The following UBE3D variants were observed in gnomAD, a reference collection of about 807,000 sequenced individuals.
The protein encoded by UBE3D is E3 ubiquitin-protein ligase E3D.
Under a neutral mutation model 49.6 loss-of-function variants are expected in UBE3D, and 48 were observed. The ratio of observed to expected loss-of-function variants is 0.97; its 90% CI spans 0.77 to 1.23. The LOEUF (loss-of-function observed/expected upper bound fraction) is 1.23. UBE3D is among the 50% of genes most tolerant of loss of function. The probability of loss-of-function intolerance (pLI) is 0.00; values close to 1 mark genes in which losing one functional copy is unlikely to be tolerated. For synonymous variants in UBE3D, 189 were observed against 174.2 expected (o/e 1.08, Z -0.67); for missense variants, 452 against 468.4 (o/e 0.96, Z 0.32).
the UBE3D span, among the ~76,000 whole-genome samples, chr6:82,882,151 T>A: frequency 6.6e-6 from 1 of 152,148 alleles, no homozygotes; most frequent in African/African-American, 2.4e-5. Context: ...GAATTATCCA[T>A]GAGATTGGAA....
intron 5 of UBE3D, among the ~76,000 whole-genome samples, chr6:83,031,452 C>T (rs866442739): frequency 5.5e-4 from 83 of 152,270 alleles, no homozygotes; most frequent in African/African-American, 1.9e-3. Context: ...CTTGCATCAG[C>T]GTGACCTGGA....
chr6:82,927,468 T>G (rs1773841170), intron 9 of UBE3D, among the ~76,000 whole-genome samples: 1 of 152,064 alleles, frequency 6.6e-6, no homozygotes, highest in Non-Finnish European at 1.5e-5. Context: ...AGAAGTGACA[T>G]CCTGACCACA....
At chr6:82,887,087 T>TGAGGCCAGAAGTTC in the UBE3D span, among the ~76,000 whole-genome samples, 1 of 151,924 alleles carries the variant, frequency 6.6e-6, no homozygotes, top group Non-Finnish European at 1.5e-5. Context: ...GTGGACCACT[T>TGAGGCCAGAAGTTC]GAGGCCAGAA....
intron 9 of UBE3D, among the ~76,000 whole-genome samples, chr6:82,950,071 G>T (rs1483798020): frequency 2.0e-5 from 3 of 152,086 alleles, no homozygotes; most frequent in Non-Finnish European, 2.9e-5. Flanking sequence ...ACAAAGTGAA[G>T]AGACAACTCA....
intron 9 of UBE3D, among the ~76,000 whole-genome samples, chr6:82,940,164 C>T (rs1184792003): frequency 1.3e-5 from 2 of 152,188 alleles, no homozygotes; most frequent in African/African-American, 4.8e-5. Flanking sequence ...TCCACATTCT[C>T]TCTAGAGTAT....
chr6:82,961,153 A>G (rs568046543), intron 8 of UBE3D, among the ~76,000 whole-genome samples: 1 of 152,314 alleles, frequency 6.6e-6, no homozygotes, highest in East Asian at 1.9e-4. Context: ...TCACTTTTTC[A>G]TCATTTTCCA....
intron 9 of UBE3D, among the ~76,000 whole-genome samples, chr6:82,895,176 T>A (rs1771224899): frequency 6.6e-6 from 1 of 152,064 alleles, no homozygotes; most frequent in South Asian, 2.1e-4. Flanking sequence ...CCAGGCATGG[T>A]GGCAGGTACC....
At chr6:82,985,421 G>A (rs1013078022) in intron 8 of UBE3D, among the ~76,000 whole-genome samples, 5 of 152,156 alleles carry the variant, frequency 3.3e-5, no homozygotes, top group Middle Eastern at 3.4e-3. Context: ...GGAGTGCAGT[G>A]GTGCAATCTC....
rs368427283 is a variant in UBE3D at position 82,974,330 on chromosome 6, C to A, written c.1011-16880G>T. Among the ~76,000 whole-genome samples, 26 of 152,192 alleles carry A rather than the reference C, an allele frequency of 1.7e-4. 1 individual carries two copies. The South Asian group carries it at 5.2e-3, about 30-fold the overall frequency. On this transcript the variant is annotated intron_variant, in intron 8 of 9. Transcript: ENST00000369747. Reference sequence around the variant, plus strand: ...GTGTATGTGTGTACAGTGATCCCTACGTATCCATAGGGGATTGGTTCCAGG... The same window carrying A: ...GTGTATGTGTGTACAGTGATCCCTAAGTATCCATAGGGGATTGGTTCCAGG...
At chr6:82,986,891 T>A (rs1448746341) in intron 8 of UBE3D, among the ~76,000 whole-genome samples, 1 of 150,328 alleles carries the variant, frequency 6.7e-6, no homozygotes, top group South Asian at 2.1e-4. Context: ...ATATTATACA[T>A]ATGTATAATA....
intron 8 of UBE3D, among the ~76,000 whole-genome samples, chr6:82,991,767 A>G (rs190175516): frequency 9.3e-4 from 141 of 152,316 alleles, no homozygotes; most frequent in Admixed American, 7.8e-3. Context: ...AACTGAAGAA[A>G]GAACCATCTT....
intron 4 of UBE3D, among the ~76,000 whole-genome samples, chr6:83,042,776 T>C (rs1049448112): frequency 6.6e-6 from 1 of 152,196 alleles, no homozygotes; most frequent in Non-Finnish European, 1.5e-5. Flanking sequence ...TGTTACTATG[T>C]GACATTTCAA....
At chr6:82,986,591 AT>A (rs1404396938) in intron 8 of UBE3D, among the ~76,000 whole-genome samples, 1 of 140,586 alleles carries the variant, frequency 7.1e-6, no homozygotes, top group African/African-American at 2.6e-5. Context: ...TTTCTGTGTT[AT>A]TGTACATGGG....
chr6:83,024,152 T>C (rs538278334), intron 5 of UBE3D, 114 bp from the exon 6 acceptor site: 26 of 522,302 alleles, frequency 5.0e-5, no homozygotes, highest in Non-Finnish European at 7.2e-5. Context: ...ACTGGTAAAA[T>C]TAATATTCTG....
intron 9 of UBE3D, among the ~76,000 whole-genome samples, chr6:82,924,600 A>G: frequency 6.6e-6 from 1 of 152,324 alleles, no homozygotes; most frequent in Middle Eastern, 3.4e-3. Flanking sequence ...TCATTTAAAA[A>G]TATTTGCCAA....
intron 9 of UBE3D, among the ~76,000 whole-genome samples, chr6:82,918,566 T>C (rs1435996468): frequency 6.6e-6 from 1 of 152,186 alleles, no homozygotes; most frequent in Non-Finnish European, 1.5e-5. Flanking sequence ...ATAGAATTTG[T>C]TGTAATAGGA....
At chr6:82,977,452 T>C (rs1016099331) in intron 8 of UBE3D, among the ~76,000 whole-genome samples, 5 of 152,184 alleles carry the variant, frequency 3.3e-5, no homozygotes, top group Non-Finnish European at 7.3e-5. Flanking sequence ...CCAACTGTAC[T>C]GGATACAACA....
At chr6:82,926,493 T>C (rs1173809939) in intron 9 of UBE3D, among the ~76,000 whole-genome samples, 1 of 152,102 alleles carries the variant, frequency 6.6e-6, no homozygotes, top group African/African-American at 2.4e-5. Context: ...TAAGAGTATG[T>C]TAAGTTTTCT....
intron 1 of UBE3D, 126 bp downstream of exon 1, chr6:83,065,516 G>A (rs949617078): frequency 7.5e-5 from 64 of 849,784 alleles, no homozygotes; most frequent in South Asian, 2.6e-4. Flanking sequence ...TTGAGTGATC[G>A]AGAGGCTCTA....
Sources: allele counts gnomAD v4.1 joint callset (sites outside exome capture counted in the v4.1 genomes callset), GRCh38; gene constraint gnomAD v4.1.1; transcripts MANE v1.5; gene names NCBI Gene and HGNC (gene_info 2026-07-23, HGNC 2026-07-21).